The following HSD11B1L variants were observed in gnomAD, a reference collection of about 807,000 sequenced individuals.
HSD11B1L encodes the protein hydroxysteroid 11-beta-dehydrogenase 1-like protein.
In HSD11B1L, 22 loss-of-function variants were observed where a neutral mutation model predicts 27.0. That is an observed-to-expected ratio of 0.81 (90% CI 0.58 to 1.16). The LOEUF is 1.16. Among genes scored for constraint, HSD11B1L ranks in the 50% most tolerant of loss-of-function variants. The pLI is 0.00. For missense variants in HSD11B1L, 372 were observed against 401.8 expected (o/e 0.93, Z 0.63); for synonymous variants, 187 against 189.2 (o/e 0.99, Z 0.09).
rs1223422953 is a variant in HSD11B1L at position 5,687,265 on chromosome 19, G to A, written c.409-17G>A. The stretch of plus-strand genomic sequence containing the variant: ...TGGGCTCCGCCTCTGCCGGTGACTC[G>A]CGAGTGCCGCCTGCAGGTAAACTTT... On this transcript the variant is annotated splice_polypyrimidine_tract_variant and intron_variant, in intron 5 of 7. Transcript: ENST00000339423. The surrounding 1 kb of genome is among the most constrained non-coding windows in gnomAD (Gnocchi z 6.6). 6.2e-7 allele frequency: 1 copy of A among 1,611,118 alleles called. No individual in the cohort carries two copies. The highest frequency in any genetic ancestry group is 8.5e-7 in the Non-Finnish European group (1 of 1,179,400).
Position 5,687,523 on chromosome 19 carries a change from T to A in HSD11B1L, c.523T>A (p.Ser175Thr), listed in dbSNP as rs1444060277. ...SLLGRVPTSFSTPYSAAKFAL... is the reference protein window; with the variant it reads ...SLLGRVPTSFTTPYSAAKFAL... ...CCCAGGCCGCGTGCCCACGTCGTTCTCCACTCCCTACTCGGCGGCCAAGTT... is the reference window on the plus strand; with the variant it reads ...CCCAGGCCGCGTGCCCACGTCGTTCACCACTCCCTACTCGGCGGCCAAGTT... Residue 175 changes from serine to threonine, a missense_variant, in exon 7 of 8, where the codon TCC (serine) becomes ACC (threonine). Physicochemically the swap from Ser to Thr is moderately conservative, Grantham distance 58. Coordinates refer to ENST00000339423, the MANE Select transcript of HSD11B1L (RefSeq NM_198706.3). This position sits in a 1 kb window ranked among gnomAD's most constrained non-coding sequence, Gnocchi z 6.6. 3.1e-6 allele frequency: 5 copies of A among 1,599,104 alleles called. No homozygotes were observed. Among genetic ancestry groups the A allele is most frequent in the Non-Finnish European group, 4.2e-6 (5 of 1,179,256 alleles).
In HSD11B1L at chr19:5,686,945, C is replaced by A; in HGVS notation, c.362C>A (p.Ala121Asp). 1 of 1,553,066 alleles carries A rather than the reference C, an allele frequency of 6.4e-7. No homozygotes were observed. The highest frequency in any genetic ancestry group is 2.4e-5 in the East Asian group (1 of 41,112). The change falls in exon 5 of 8, where the codon GCC becomes GAC. Residue 121 changes from alanine (A) to aspartate (D), a missense_variant. Coordinates refer to ENST00000339423, the MANE Select transcript of HSD11B1L (RefSeq NM_198706.3). The stretch of plus-strand genomic sequence containing the variant: ...CTGAACCACATCGGCGGCGCCCCGG[C>A]CGGCACGCGAGCCCGCAGCCCCCAG... ...LVLNHIGGAP[A>D]GTRARSPQAT...
chr19:5,684,051 C>A (rs893797263), intron 1 of HSD11B1L: 5 of 485,412 alleles, frequency 1.0e-5, no homozygotes, highest in Non-Finnish European at 1.5e-5. Context: ...TCTCGGCACA[C>A]TACAACTTCT....
At position 5,688,032 on chromosome 19, in the gene HSD11B1L, T is replaced by G; in HGVS notation, c.*87T>G. On this transcript the variant is annotated 3_prime_UTR_variant, in exon 8 of 8. Coordinates refer to ENST00000339423, the MANE Select transcript of HSD11B1L (RefSeq NM_198706.3). ...GCCAGAACACTCACAGAGACACCCC[T>G]GAGAGGGTGGCCACAGCCCAAGATG... The G allele has an allele frequency of 6.4e-7, 1 of 1,551,470 alleles. No individual in the cohort carries two copies. Among genetic ancestry groups the G allele is most frequent in the East Asian group, 2.4e-5 (1 of 40,910 alleles).
chr19:5,688,123 G>T lies in HSD11B1L; in HGVS notation c.*178G>T. The T allele has an allele frequency of 6.4e-7, 1 of 1,551,326 alleles. No homozygotes were observed. The highest frequency in any genetic ancestry group is 1.2e-5 in the South Asian group (1 of 84,062). On this transcript the variant is annotated 3_prime_UTR_variant, in exon 8 of 8. Transcript: ENST00000339423. The stretch of plus-strand genomic sequence containing the variant: ...GGCACCTGGAACCAGTCACGGCTTG[G>T]GAGGTGCAGGTGCCCCGTGTTAGGC...
chr19:5,683,440 C>G (rs1489611866), intron 1 of HSD11B1L, among the ~76,000 whole-genome samples: 1 of 152,242 alleles, frequency 6.6e-6, no homozygotes, highest in South Asian at 2.1e-4. Flanking sequence ...TCATATCACT[C>G]CATGATCAAT....
At chr19:5,681,620 G>A (rs551339664) in intron 1 of HSD11B1L, among the ~76,000 whole-genome samples, 3 of 149,512 alleles carry the variant, frequency 2.0e-5, no homozygotes, top group Admixed American at 6.7e-5. Context: ...TCATCTATCC[G>A]TCCATCCATC....
chr19:5,681,217 C>T lies in HSD11B1L; in HGVS notation c.-69C>T, dbSNP rs2054534798. 1 of 152,522 alleles carries T rather than the reference C, an allele frequency of 6.6e-6. No individual in the cohort carries two copies. Among genetic ancestry groups the T allele is most frequent in the East Asian group, 1.9e-4 (1 of 5,196 alleles). 9.4% of individuals were successfully genotyped at this position (152,522 alleles called of 1,614,324 possible). A position where few individuals can be genotyped will look rare whatever the true frequency, so the allele number is the denominator to read the frequency against. On this transcript the variant is annotated 5_prime_UTR_variant, in exon 1 of 8. Transcript: ENST00000339423. ...GGACCGTGGGGGCGTTCGCGTGGCT[C>T]CCAGCCCGGGACCCCACCCCCGCTG... is the stretch of plus-strand genomic sequence containing the variant.
At chr19:5,684,700 C>T in intron 1 of HSD11B1L, 119 bp from the exon 2 acceptor site, 5 of 1,515,598 alleles carry the variant, frequency 3.3e-6, no homozygotes, top group Non-Finnish European at 4.4e-6. Context: ...CAGGTGGTGG[C>T]TGTGGAGGTG....
chr19:5,681,534 C>T (rs150438695), intron 1 of HSD11B1L, among the ~76,000 whole-genome samples: 1 of 152,058 alleles, frequency 6.6e-6, no homozygotes, highest in Non-Finnish European at 1.5e-5. Flanking sequence ...TCCGCCCATC[C>T]ATTCATCCAT....
In HSD11B1L at chr19:5,686,605, G is replaced by C. The variant is rs1396069326; in HGVS notation, c.316+78G>C. 3.5e-6 allele frequency: 4 copies of C among 1,146,084 alleles called. No homozygotes were observed. In the African/African-American group the frequency reaches 6.2e-5, roughly 18 times the overall value. 71.0% of individuals were successfully genotyped at this position (1,146,084 alleles called of 1,614,324 possible). On this transcript the variant is annotated intron_variant, in intron 4 of 7. Transcript: ENST00000339423. ...GGACAGGACCAGAATTGGGCTGTGGGTGTGGCCACAGTAACAGGTGTCTCA... is the reference window on the plus strand; with the variant it reads ...GGACAGGACCAGAATTGGGCTGTGGCTGTGGCCACAGTAACAGGTGTCTCA...
In HSD11B1L at chr19:5,685,804, T is replaced by C. The variant is rs1395880877; in HGVS notation, c.205-612T>C. Among the ~76,000 whole-genome samples the C allele has an allele frequency of 2.0e-5, 3 of 151,878 alleles. No homozygotes were observed. The highest frequency in any genetic ancestry group is 2.9e-5 in the Non-Finnish European group (2 of 68,008). On this transcript the variant is annotated intron_variant, in intron 3 of 7. Coordinates refer to ENST00000339423, the MANE Select transcript of HSD11B1L (RefSeq NM_198706.3). This position sits in a 1 kb window ranked among gnomAD's most constrained non-coding sequence, Gnocchi z 4.3. ...ATGTAGTCCCAGCTACATGGGAGGC[T>C]GAGTCAGGAGAATCACTTGAACCCC... is the stretch of plus-strand genomic sequence containing the variant.
At position 5,687,902 on chromosome 19, in the gene HSD11B1L, G is replaced by C; in HGVS notation, c.818G>C (p.Trp273Ser). The C allele has an allele frequency of 6.3e-7, 1 of 1,576,004 alleles. No homozygotes were observed. The highest frequency in any genetic ancestry group is 8.6e-7 in the Non-Finnish European group (1 of 1,160,844). Residue 273 changes from tryptophan to serine, a missense_variant, in exon 8 of 8, where the codon TGG becomes TCG. By Grantham distance (177) the Trp-to-Ser change is radical. Coordinates refer to ENST00000339423, the MANE Select transcript of HSD11B1L (RefSeq NM_198706.3). The surrounding 1 kb of genome is among the most constrained non-coding windows in gnomAD (Gnocchi z 6.6). Reference protein sequence around the residue: ...LRRWLPRPRAWFIRQELNVTA... With the variant: ...LRRWLPRPRASFIRQELNVTA... ...CGCTGGCTACCGCGCCCGCGGGCCT[G>C]GTTTATCCGCCAGGAGCTCAACGTC... is the stretch of plus-strand genomic sequence containing the variant.
chr19:5,685,176 A>G lies in HSD11B1L; in HGVS notation c.204+57A>G, dbSNP rs1599422891. The G allele has an allele frequency of 6.5e-7, 1 of 1,532,642 alleles. No individual in the cohort carries two copies. The highest frequency in any genetic ancestry group is 8.7e-7 in the Non-Finnish European group (1 of 1,142,926). 94.9% of individuals were successfully genotyped at this position (1,532,642 alleles called of 1,614,324 possible). On this transcript the variant is annotated intron_variant, in intron 3 of 7. Coordinates refer to ENST00000339423, the MANE Select transcript of HSD11B1L (RefSeq NM_198706.3). This position sits in a 1 kb window ranked among gnomAD's most constrained non-coding sequence, Gnocchi z 4.3. ...GGGTGCTCATGGGGGGTGGGAAGAG[A>G]GCCTGGGTTTAATCCCTGCAATGAT...
In HSD11B1L at chr19:5,684,793, CA is replaced by C. The variant is rs764367237; in HGVS notation, c.-14-25del. 16 of 1,613,154 alleles carry C rather than the reference CA, an allele frequency of 9.9e-6. No homozygotes were observed. The African/African-American group carries it at 2.0e-4, about 20-fold the overall frequency. On this transcript the variant is annotated intron_variant, in intron 1 of 7. Transcript: ENST00000339423. ...GGCTGTGGGCCAGGCCTGTGCCGGC[CA>C]CCTCTGTCCCCTGTCCCTCTGCAGG...
At position 5,686,488 on chromosome 19, in the gene HSD11B1L, G is replaced by A. The variant is rs1371323740; in HGVS notation, c.277G>A (p.Ala93Thr). The A allele has an allele frequency of 6.3e-7, 1 of 1,585,230 alleles. No homozygotes were observed. ...YIAADMASPE[A>T]PESVVQFALD... Reference sequence around the variant, plus strand: ...CGCGGCGGACATGGCCTCCCCTGAGGCGCCCGAGAGCGTGGTGCAGTTTGC... The same window carrying A: ...CGCGGCGGACATGGCCTCCCCTGAGACGCCCGAGAGCGTGGTGCAGTTTGC... Residue 93 changes from alanine (A) to threonine (T), a missense_variant, in exon 4 of 8, where the codon GCG becomes ACG. Ala to Thr is a moderately conservative substitution (Grantham distance 58). Transcript: ENST00000339423.
rs547566141 is a variant in HSD11B1L, at chr19:5,681,060, C to T, written c.-226C>T. 67 of 152,692 alleles carry T rather than the reference C, an allele frequency of 4.4e-4. No homozygotes were observed. In the South Asian group the frequency reaches 0.012, roughly 28 times the overall value. The allele number at this position is 152,692 out of a possible 1,614,324, so 9.5% of individuals were successfully genotyped here. A position where few individuals can be genotyped will look rare whatever the true frequency, so the allele number is the denominator to read the frequency against. On this transcript the variant is annotated 5_prime_UTR_variant, in exon 1 of 8. Transcript: ENST00000339423. ...GCGAAGACCAGGCGGGCACTGTTGC[C>T]CGGCGACGCTCCGGCGCTGGGTCCC...
Position 5,687,677 on chromosome 19 carries a change from C to G in HSD11B1L, c.668+9C>G, listed in dbSNP as rs1320836350. 4 of 1,568,754 alleles carry G rather than the reference C, an allele frequency of 2.5e-6. No homozygotes were observed. Among genetic ancestry groups the G allele is most frequent in the Middle Eastern group, 1.9e-4 (1 of 5,370 alleles). On this transcript the variant is annotated intron_variant, in intron 7 of 7. Transcript: ENST00000339423. The surrounding 1 kb of genome is among the most constrained non-coding windows in gnomAD (Gnocchi z 6.6). ...GCCGCCGAGGCAGTCAGGTGAGGCC[C>G]GGACAAGCTGGGGGCTGGGCTGGGG... is the stretch of plus-strand genomic sequence containing the variant.
In HSD11B1L at chr19:5,681,071, C is replaced by G. The variant is rs2054530140; in HGVS notation, c.-215C>G. The G allele has an allele frequency of 6.6e-6, 1 of 152,572 alleles. No homozygotes were observed. Among genetic ancestry groups the G allele is most frequent in the Non-Finnish European group, 1.5e-5 (1 of 68,202 alleles). The allele number at this position is 152,572 out of a possible 1,614,324, so 9.5% of individuals were successfully genotyped here. A position where few individuals can be genotyped will look rare whatever the true frequency, so the allele number is the denominator to read the frequency against. On this transcript the variant is annotated 5_prime_UTR_variant, in exon 1 of 8. Coordinates refer to ENST00000339423, the MANE Select transcript of HSD11B1L (RefSeq NM_198706.3). ...GCGGGCACTGTTGCCCGGCGACGCT[C>G]CGGCGCTGGGTCCCCGAGGCCCGGC... is the stretch of plus-strand genomic sequence containing the variant.
Sources: allele counts gnomAD v4.1 joint callset (sites outside exome capture counted in the v4.1 genomes callset), GRCh38; gene constraint gnomAD v4.1.1; non-coding constraint Gnocchi (gnomAD v3.1); transcripts MANE v1.5; gene names NCBI Gene and HGNC (gene_info 2026-07-23, HGNC 2026-07-21).